Variants in RARB observed in about 807,000 individuals in gnomAD.
RARB encodes the protein retinoic acid receptor beta, also known as HBV-activated protein.
A neutral mutation model predicts 51.9 loss-of-function variants in RARB; 17 were observed. The ratio of observed to expected loss-of-function variants is 0.33; its 90% CI spans 0.22 to 0.49. RARB has a LOEUF of 0.49. Among genes scored for constraint, RARB ranks in the 20% least tolerant of loss-of-function variants. RARB has a pLI of 0.99. For synonymous variants in RARB, 215 were observed against 195.4 expected, an observed-to-expected ratio of 1.10 and a Z score of -0.84; for missense variants, 369 against 550.8, an observed-to-expected ratio of 0.67 and a Z score of 3.30.
At chr3:25,575,561 G>A (rs1014187848) in intron 4 of RARB, among the ~76,000 whole-genome samples, 6 of 152,130 alleles carry the variant, frequency 3.9e-5, no homozygotes, top group Admixed American at 6.5e-5. Flanking sequence ...AGCTTCTGGC[G>A]TGGAAGGCAG....
chr3:25,079,971 T>C (rs542834305), intron 3 of RARB, among the ~76,000 whole-genome samples: 1 of 152,316 alleles, frequency 6.6e-6, no homozygotes, highest in South Asian at 2.1e-4. Context: ...TTGTCATTTG[T>C]CTGTTTTTAA....
upstream of RARB, among the ~76,000 whole-genome samples, chr3:25,424,687 G>GA (rs1707943699): frequency 6.6e-6 from 1 of 152,162 alleles, no homozygotes; most frequent in African/African-American, 2.4e-5. Context: ...GGTGGGGGGG[G>GA]ATATGTCTGC....
At chr3:25,213,276 A>C (rs759346308) in intron 5 of RARB, among the ~76,000 whole-genome samples, 19 of 152,246 alleles carry the variant, frequency 1.2e-4, no homozygotes, top group Non-Finnish European at 2.5e-4. Flanking sequence ...ATAGATCTGT[A>C]CAGCTTTCTT....
chr3:24,982,538 G>T (rs1465975939), intron 2 of RARB, among the ~76,000 whole-genome samples: 2 of 152,206 alleles, frequency 1.3e-5, no homozygotes, highest in Non-Finnish European at 1.5e-5. Context: ...TTAGTCCTAA[G>T]TGGGAAGCTG....
intron 5 of RARB, among the ~76,000 whole-genome samples, chr3:25,327,001 C>T (rs978102208): frequency 6.6e-6 from 1 of 152,052 alleles, no homozygotes; most frequent in Admixed American, 6.6e-5. Flanking sequence ...CCTCCCACCC[C>T]ACAACAGTCC....
intron 5 of RARB, among the ~76,000 whole-genome samples, chr3:25,325,163 C>A (rs149178515): frequency 6.6e-6 from 1 of 152,146 alleles, no homozygotes; most frequent in Non-Finnish European, 1.5e-5. Flanking sequence ...AACTGAGGAT[C>A]CCTTCCCCTT....
intron 2 of RARB, among the ~76,000 whole-genome samples, chr3:24,964,635 C>T (rs968786521): frequency 3.3e-5 from 5 of 152,096 alleles, no homozygotes; most frequent in African/African-American, 4.8e-5. Flanking sequence ...TTATGCATGC[C>T]CTGTCCATAA....
At position 25,496,050 on chromosome 3, in the gene RARB, T is replaced by G. The variant is rs561558811; in HGVS notation, c.307-5132T>G. The stretch of plus-strand genomic sequence containing the variant: ...CAGCTGAGAAATCTGATTGTTTAAT[T>G]GCGTAAATACAAATGATATCACCCT... On this transcript the variant is annotated intron_variant, in intron 2 of 7. Coordinates refer to ENST00000330688, the MANE Select transcript of RARB (RefSeq NM_000965.5). Among the ~76,000 whole-genome samples the G allele has an allele frequency of 2.2e-3, 339 of 152,300 alleles. 1 individual carries two copies. The highest frequency in any genetic ancestry group is 7.4e-3 in the African/African-American group (309 of 41,562).
At chr3:25,213,218 A>G (rs1701741741) in intron 5 of RARB, among the ~76,000 whole-genome samples, 1 of 152,122 alleles carries the variant, frequency 6.6e-6, no homozygotes, top group Non-Finnish European at 1.5e-5. Context: ...TTATTTTCCC[A>G]CTTTCTTCCC....
chr3:24,915,105 G>A (rs189347348), intron 2 of RARB, among the ~76,000 whole-genome samples: 4 of 152,306 alleles, frequency 2.6e-5, no homozygotes, highest in South Asian at 4.1e-4. Context: ...TATAAGAGGT[G>A]TTTCTGAAGA....
Position 25,041,224 on chromosome 3 carries a change from G to A in RARB, c.-379-18901G>A, listed in dbSNP as rs114152494. 1.8e-3 allele frequency among the ~76,000 whole-genome samples: 277 copies of A among 152,258 alleles called. 2 individuals are homozygous for A. Among genetic ancestry groups the A allele is most frequent in the South Asian group, 7.9e-3 (38 of 4,820 alleles). On this transcript the variant is annotated intron_variant, in intron 2 of 11. Transcript: ENST00000383772. ...TTACTGTTTCCAAGGCCTGGGGGAT[G>A]TCACTTACCACCCTAAATTTCCTAC...
chr3:25,063,260 C>G (rs563382445), intron 3 of RARB, among the ~76,000 whole-genome samples: 2 of 152,076 alleles, frequency 1.3e-5, no homozygotes, highest in East Asian at 3.9e-4. Context: ...TTTTATTCCC[C>G]TCTCAATTTT....
chr3:25,172,813 C>T (rs1325824861), intron 4 of RARB, among the ~76,000 whole-genome samples: 2 of 152,124 alleles, frequency 1.3e-5, no homozygotes, highest in Admixed American at 1.3e-4. Context: ...TTACTATATA[C>T]CAGGCACTGT....
chr3:25,546,672 G>A (rs754150210), intron 3 of RARB, among the ~76,000 whole-genome samples: 1 of 152,054 alleles, frequency 6.6e-6, no homozygotes, highest in South Asian at 2.1e-4. Context: ...GCAACATAGG[G>A]TCACTGCAGA....
chr3:25,079,231 C>G (rs1698940565), intron 3 of RARB, among the ~76,000 whole-genome samples: 1 of 151,914 alleles, frequency 6.6e-6, no homozygotes, highest in Admixed American at 6.6e-5. Context: ...TTAATTGTAT[C>G]CTTCTACCTT....
At chr3:25,009,784 C>T (rs1050471300) in intron 2 of RARB, among the ~76,000 whole-genome samples, 2 of 152,070 alleles carry the variant, frequency 1.3e-5, no homozygotes, top group Non-Finnish European at 2.9e-5. Flanking sequence ...GGGAAATATG[C>T]TCATTTGCCT....
At chr3:25,006,375 T>C (rs899616799) in intron 2 of RARB, among the ~76,000 whole-genome samples, 2 of 152,168 alleles carry the variant, frequency 1.3e-5, no homozygotes, top group African/African-American at 2.4e-5. Flanking sequence ...TAGTAGGAGA[T>C]AAATACCTGT....
chr3:25,245,082 T>C (rs1702525351), intron 5 of RARB, among the ~76,000 whole-genome samples: 2 of 152,220 alleles, frequency 1.3e-5, no homozygotes, highest in South Asian at 4.1e-4. Flanking sequence ...TCTCTTTTGA[T>C]CTTTGTTGGT....
chr3:25,400,965 AGG>A (rs1039491497), intron 5 of RARB, among the ~76,000 whole-genome samples: 3 of 152,146 alleles, frequency 2.0e-5, no homozygotes, highest in African/African-American at 4.8e-5. Context: ...CAAGATTTTG[AGG>A]GGTCAACCCC....
Sources: gnomAD v4.1 joint callset for allele counts (sites outside exome capture counted in the v4.1 genomes callset) on GRCh38, gnomAD v4.1.1 for gene constraint, MANE v1.5 for transcripts, NCBI Gene and HGNC (gene_info 2026-07-23, HGNC 2026-07-21) for gene names.